The following DCAF8L2 variants were observed in gnomAD, a reference collection of about 807,000 sequenced individuals.
DCAF8L2 encodes DDB1- and CUL4-associated factor 8-like protein 2.
For synonymous variants in DCAF8L2, 200 were observed against 190.9 expected (o/e 1.05, Z -0.39); for missense variants, 430 against 490.7 (o/e 0.88, Z 1.17).
upstream of DCAF8L2, among the ~76,000 whole-genome samples, chrX:27,587,975 T>TAAA (rs531576238): frequency 7.3e-3 from 185 of 25,433 alleles, 5 homozygotes; most frequent in African/African-American, 0.019. Context: ...GTACTTCCAT[T>TAAA]AAAAAAAAAA....
intron 3 of DCAF8L2, among the ~76,000 whole-genome samples, chrX:27,703,416 A>G (rs1931206006): frequency 9.0e-6 from 1 of 111,439 alleles, no homozygotes; most frequent in Admixed American, 9.6e-5. Context: ...CTATTTCCCA[A>G]TTTCAAAACT....
At chrX:27,473,643 G>A in the DCAF8L2 span, among the ~76,000 whole-genome samples, 1 of 109,762 alleles carries the variant, frequency 9.1e-6, no homozygotes, top group Non-Finnish European at 1.9e-5. Flanking sequence ...TACCTTTTTG[G>A]GGTTGCATTT....
At chrX:27,682,584 T>C (rs1035862033) in intron 3 of DCAF8L2, among the ~76,000 whole-genome samples, 9 of 111,437 alleles carry the variant, frequency 8.1e-5, no homozygotes, top group African/African-American at 2.9e-4. Flanking sequence ...AATTCATTTA[T>C]ATAATGGAAT....
At chrX:27,599,330 T>G (rs1017594746) in intron 1 of DCAF8L2, among the ~76,000 whole-genome samples, 1 of 111,170 alleles carries the variant, frequency 9.0e-6, no homozygotes, top group Middle Eastern at 4.7e-3. Flanking sequence ...GTCAAACTCA[T>G]AGAAACAGAG....
intron 1 of DCAF8L2, among the ~76,000 whole-genome samples, chrX:27,622,740 A>G (rs1927836344): frequency 9.0e-6 from 1 of 111,323 alleles, no homozygotes; most frequent in Admixed American, 9.6e-5. Context: ...TCACAAAGAA[A>G]AGAAGGAAAT....
At chrX:27,479,510 T>C in the DCAF8L2 span, among the ~76,000 whole-genome samples, 1 of 111,965 alleles carries the variant, frequency 8.9e-6, no homozygotes, top group Non-Finnish European at 1.9e-5. Flanking sequence ...TTCACTACTA[T>C]ATGCATTTTC....
At chrX:27,581,955 G>T in the DCAF8L2 span, among the ~76,000 whole-genome samples, 3 of 112,056 alleles carry the variant, frequency 2.7e-5, no homozygotes, top group Non-Finnish European at 5.6e-5. Flanking sequence ...TGGGAAAGAC[G>T]TGGGTTTATT....
intron 2 of DCAF8L2, among the ~76,000 whole-genome samples, chrX:27,655,341 G>A (rs1358392128): frequency 2.7e-5 from 3 of 112,137 alleles, no homozygotes; most frequent in African/African-American, 9.7e-5. Flanking sequence ...CAAAGCAATA[G>A]TCATCTATAT....
At chrX:27,470,037 G>A in the DCAF8L2 span, among the ~76,000 whole-genome samples, 136 of 111,589 alleles carry the variant, frequency 1.2e-3, 1 homozygote, top group Non-Finnish European at 2.0e-3. Context: ...CAAAGTGCTG[G>A]GATTACAGGC....
chrX:27,733,886 A>G (rs779567867), intron 4 of DCAF8L2, among the ~76,000 whole-genome samples: 2 of 111,548 alleles, frequency 1.8e-5, no homozygotes, highest in Non-Finnish European at 3.8e-5. Flanking sequence ...CCATTTGTCT[A>G]TGTCAGTCAA....
At chrX:27,704,763 A>G (rs1931284480) in intron 3 of DCAF8L2, among the ~76,000 whole-genome samples, 1 of 111,584 alleles carries the variant, frequency 9.0e-6, no homozygotes, top group African/African-American at 3.3e-5. Context: ...CATCATGTTA[A>G]ACACCTTAAA....
the DCAF8L2 span, among the ~76,000 whole-genome samples, chrX:27,498,952 T>G: frequency 1.8e-5 from 2 of 112,361 alleles, no homozygotes; most frequent in East Asian, 5.6e-4. Context: ...GTGTATATCT[T>G]TTCTTTATCC....
chrX:27,555,057 A>G, the DCAF8L2 span, among the ~76,000 whole-genome samples: 307 of 111,784 alleles, frequency 2.7e-3, 1 homozygote, highest in East Asian at 0.036. Flanking sequence ...CTGAAAATGG[A>G]CTGTGCTACA....
Position 27,625,557 on chromosome X carries a change from CAT to C in DCAF8L2, c.-341-6321_-341-6320del, listed in dbSNP as rs1482713519. 3.7e-4 allele frequency among the ~76,000 whole-genome samples: 42 copies of C among 112,302 alleles called. No homozygotes were observed. In the South Asian group the frequency reaches 0.011, roughly 29 times the overall value. ...TTGTTCTATCATAAAGACACACACACATGTTAGTTCATTGCAGCACTGTTTAC... is the reference window on the plus strand; with the variant it reads ...TTGTTCTATCATAAAGACACACACACGTTAGTTCATTGCAGCACTGTTTAC... On this transcript the variant is annotated intron_variant, in intron 1 of 4. Transcript: ENST00000451261.
chrX:27,740,463 A>G (rs1156356038), intron 4 of DCAF8L2, among the ~76,000 whole-genome samples: 1 of 111,562 alleles, frequency 9.0e-6, no homozygotes, highest in Non-Finnish European at 1.9e-5. Flanking sequence ...CCCTACTGGC[A>G]AGCTCCCAAA....
At chrX:27,550,824 T>C in the DCAF8L2 span, among the ~76,000 whole-genome samples, 7 of 79,028 alleles carry the variant, frequency 8.9e-5, no homozygotes, top group Non-Finnish European at 1.8e-4. Context: ...GATGCTGTGA[T>C]TTTTTTACAC....
chrX:27,501,186 G>T, the DCAF8L2 span, among the ~76,000 whole-genome samples: 1 of 109,485 alleles, frequency 9.1e-6, no homozygotes, highest in South Asian at 4.0e-4. Context: ...GCCTTATAAA[G>T]AGGCATTCTC....
chrX:27,560,702 G>A, the DCAF8L2 span, among the ~76,000 whole-genome samples: 3 of 112,254 alleles, frequency 2.7e-5, no homozygotes, highest in South Asian at 3.7e-4. Flanking sequence ...TGGACACTTA[G>A]TGTTCTATGG....
At chrX:27,721,533 C>A (rs1192726250) in intron 4 of DCAF8L2, among the ~76,000 whole-genome samples, 1 of 110,959 alleles carries the variant, frequency 9.0e-6, no homozygotes, top group Non-Finnish European at 1.9e-5. Context: ...AAACCTAATT[C>A]TAATCTATGG....
Sources: allele counts gnomAD v4.1 joint callset (sites outside exome capture counted in the v4.1 genomes callset), GRCh38; gene constraint gnomAD v4.1.1; transcripts MANE v1.5; gene names NCBI Gene and HGNC (gene_info 2026-07-23, HGNC 2026-07-21).